The following MPP4 variants were observed in gnomAD, a reference collection of about 807,000 sequenced individuals.
The protein encoded by MPP4 is MAGUK p55 subfamily member 4.
Under a neutral mutation model 98.3 loss-of-function variants are expected in MPP4, and 91 were observed. The observed-to-expected ratio is 0.93, with a 90% CI of 0.78 to 1.10. The LOEUF is 1.10. Among genes scored for constraint, MPP4 ranks in the 50% least tolerant of loss-of-function variants. The pLI is 0.00. For missense variants in MPP4, 744 were observed against 792.9 expected (o/e 0.94, Z 0.74); for synonymous variants, 261 against 271.8 (o/e 0.96, Z 0.39).
chr2:201,664,175 C>G, intron 13 of MPP4, 74 bp from the exon 14 acceptor site: 2 of 1,506,790 alleles, frequency 1.3e-6, no homozygotes, highest in South Asian at 2.5e-5. Context: ...TATTTTAAGT[C>G]TAATTCTCTG....
chr2:201,668,157 A>G (rs926540399), intron 12 of MPP4, among the ~76,000 whole-genome samples: 12 of 152,190 alleles, frequency 7.9e-5, no homozygotes, highest in Non-Finnish European at 1.8e-4. Context: ...TAGTAACAGC[A>G]TGAGAAGCTC....
intron 8 of MPP4, 59 bp from the exon 9 acceptor site, chr2:201,681,626 T>C (rs1416904153): frequency 4.5e-6 from 6 of 1,334,776 alleles, no homozygotes; most frequent in Admixed American, 1.8e-5. Context: ...TTACTGGGGC[T>C]CGGTGGACAG....
intron 10 of MPP4, among the ~76,000 whole-genome samples, chr2:201,679,315 C>A (rs972685191): frequency 6.6e-6 from 1 of 152,118 alleles, no homozygotes; most frequent in East Asian, 1.9e-4. Flanking sequence ...AAATATATGA[C>A]CTTTAACTTA....
intron 16 of MPP4, 87 bp from the exon 17 acceptor site, chr2:201,656,455 G>T (rs1687852045): frequency 7.9e-7 from 1 of 1,270,836 alleles, no homozygotes; most frequent in Non-Finnish European, 1.1e-6. Flanking sequence ...TAGCAACCAT[G>T]ATCCTAAAGT....
chr2:201,647,596 A>G, intron 21 of MPP4, 95 bp downstream of exon 21: 2 of 1,355,520 alleles, frequency 1.5e-6, no homozygotes, highest in Admixed American at 1.9e-5. Flanking sequence ...GAGGAGGAGG[A>G]CAATGAGATC....
intron 3 of MPP4, 131 bp downstream of exon 3, chr2:201,692,777 T>G: frequency 7.4e-7 from 1 of 1,353,022 alleles, no homozygotes; most frequent in South Asian, 1.4e-5. Context: ...CCTACAGAAC[T>G]GTGAGATATC....
Position 201,669,107 on chromosome 2 carries a change from TGTGTGTGTGTGTGTGA to T in MPP4, c.1012+610_1012+625del, listed in dbSNP as rs1471483722. Among the ~76,000 whole-genome samples, 161 of 84,168 alleles carry T rather than the reference TGTGTGTGTGTGTGTGA, an allele frequency of 1.9e-3. 3 individuals carry two copies. The highest frequency in any genetic ancestry group is 5.2e-3 in the African/African-American group (154 of 29,800). 55.2% of individuals were successfully genotyped at this position (84,168 alleles called of 152,430 possible). A position where few individuals can be genotyped will look rare whatever the true frequency, so the allele number is the denominator to read the frequency against. On this transcript the variant is annotated intron_variant, in intron 12 of 21. Transcript: ENST00000409474. ...CTTGCTTTGTGTGTGTGTGTGTGTG[TGTGTGTGTGTGTGTGA>T]GAGAGAGAGAGAGAGAGCACCATCA...
At position 201,668,385 on chromosome 2, in the gene MPP4, A is replaced by T. The variant is rs76651733; in HGVS notation, c.1012+1348T>A. Among the ~76,000 whole-genome samples, 1,200 of 152,186 alleles carry T rather than the reference A, an allele frequency of 7.9e-3. 16 individuals are homozygous for T. Among genetic ancestry groups the T allele is most frequent in the African/African-American group, 0.028 (1,162 of 41,520 alleles). On this transcript the variant is annotated intron_variant, in intron 12 of 21. Transcript: ENST00000409474. ...AATGAGGTCATACTGCTGGGGCCTT[A>T]ATTTGATAGAACTGGTGGCCTTATA... is the stretch of plus-strand genomic sequence containing the variant.
At chr2:201,694,126 T>C (rs1689111651) in intron 1 of MPP4, 72 bp from the exon 2 acceptor site, 1 of 1,420,004 alleles carries the variant, frequency 7.0e-7, no homozygotes, top group Non-Finnish European at 9.4e-7. Context: ...ACACATCAAA[T>C]GAAACACAGT....
At chr2:201,693,116 T>G in intron 2 of MPP4, 87 bp from the exon 3 acceptor site, 2 of 1,468,540 alleles carry the variant, frequency 1.4e-6, no homozygotes, top group Non-Finnish European at 1.8e-6. Context: ...TGCCATGGGG[T>G]CTCACCAGGA....
At position 201,695,566 on chromosome 2, in the gene MPP4, A is replaced by G. The variant is rs549515743; in HGVS notation, c.-100-1512T>C. Among the ~76,000 whole-genome samples, 4 of 152,334 alleles carry G rather than the reference A, an allele frequency of 2.6e-5. No individual in the cohort carries two copies. The South Asian group carries it at 8.3e-4, about 32-fold the overall frequency. On this transcript the variant is annotated intron_variant, in intron 1 of 21. Coordinates refer to ENST00000409474, the MANE Select transcript of MPP4 (RefSeq NM_033066.3). ...CAGTAATAGGTTGTCATCAAGAAGT[A>G]ACCACTGTAGGCAACTAGAGCTTAA...
At chr2:201,686,608 C>T (rs1574634217) in intron 5 of MPP4, among the ~76,000 whole-genome samples, 1 of 152,084 alleles carries the variant, frequency 6.6e-6, no homozygotes, top group African/African-American at 2.4e-5. Context: ...CTTCATTTCA[C>T]GGGCTGGAGA....
intron 6 of MPP4, 85 bp downstream of exon 6, chr2:201,685,834 C>T: frequency 1.3e-6 from 2 of 1,520,364 alleles, no homozygotes; most frequent in Non-Finnish European, 1.8e-6. Context: ...GGCAAGGCTA[C>T]TGCCCAAGTA....
At chr2:201,680,671 G>A (rs570597956) in intron 10 of MPP4, 167 bp downstream of exon 10, 1 of 609,912 alleles carries the variant, frequency 1.6e-6, no homozygotes, top group Non-Finnish European at 2.8e-6. Flanking sequence ...TATTTAAGAT[G>A]CTTAGGGTTT....
At chr2:201,688,899 G>A (rs1024603155) in intron 4 of MPP4, among the ~76,000 whole-genome samples, 1 of 152,156 alleles carries the variant, frequency 6.6e-6, no homozygotes, top group Non-Finnish European at 1.5e-5. Context: ...TTATAGCCAT[G>A]AGCTACTGCA....
intron 4 of MPP4, among the ~76,000 whole-genome samples, chr2:201,687,991 T>TAGTA (rs1319806089): frequency 1.3e-5 from 2 of 152,202 alleles, no homozygotes; most frequent in Non-Finnish European, 2.9e-5. Context: ...TCAGCCCCAT[T>TAGTA]ACCTACAGTC....
intron 14 of MPP4, among the ~76,000 whole-genome samples, chr2:201,663,835 T>G (rs1021608208): frequency 6.6e-6 from 1 of 152,158 alleles, no homozygotes; most frequent in African/African-American, 2.4e-5. Context: ...TGAGCCATGA[T>G]CACACCACTG....
chr2:201,645,427 T>G (rs369373098), intron 21 of MPP4, 23 bp from the exon 22 acceptor site: 18 of 1,599,058 alleles, frequency 1.1e-5, no homozygotes, highest in Middle Eastern at 1.7e-4. Flanking sequence ...TAGAAAAATA[T>G]GGATAGTACA....
intron 18 of MPP4, chr2:201,650,672 A>T (rs888485175): frequency 2.1e-5 from 21 of 985,284 alleles, no homozygotes; most frequent in South Asian, 4.7e-5. Context: ...TTGAAATTAG[A>T]ACCTACGTGT....
Sources: allele counts gnomAD v4.1 joint callset (sites outside exome capture counted in the v4.1 genomes callset), GRCh38; gene constraint gnomAD v4.1.1; transcripts MANE v1.5; gene names NCBI Gene and HGNC (gene_info 2026-07-23, HGNC 2026-07-21).